The following ANK2 variants were observed in gnomAD, a reference collection of about 807,000 sequenced individuals.
ANK2 encodes the protein ankyrin 2.
ANK2 carries 83 observed loss-of-function variants against 360.5 expected under a neutral mutation model. The ratio of observed to expected loss-of-function variants is 0.23; its 90% CI spans 0.19 to 0.28. The LOEUF (loss-of-function observed/expected upper bound fraction) is 0.28, where lower values mean the gene tolerates loss of function less well. Among genes scored for constraint, ANK2 ranks in the 10% least tolerant of loss-of-function variants. The pLI is 1.00. For synonymous variants in ANK2, 1,740 were observed against 1,759.5 expected (o/e 0.99, Z 0.28); for missense variants, 4,201 against 4,795.7 (o/e 0.88, Z 3.66).
the ANK2 span, among the ~76,000 whole-genome samples, chr4:112,705,852 G>A: frequency 6.6e-6 from 1 of 152,082 alleles, no homozygotes; most frequent in African/African-American, 2.4e-5. Flanking sequence ...CGCGGCGCTG[G>A]GAAGGGGCAG....
At chr4:113,323,491 C>T (rs1364268030) in intron 26 of ANK2, among the ~76,000 whole-genome samples, 3 of 152,112 alleles carry the variant, frequency 2.0e-5, no homozygotes, top group African/African-American at 7.2e-5. Flanking sequence ...CTTGGACACT[C>T]AGACTTTGTT....
intron 14 of ANK2, among the ~76,000 whole-genome samples, chr4:113,270,155 T>A (rs1451838413): frequency 2.6e-5 from 4 of 152,212 alleles, no homozygotes; most frequent in Non-Finnish European, 5.9e-5. Flanking sequence ...TTACTGGAAA[T>A]TGTGTTGATG....
At chr4:113,092,844 T>A (rs1317785382) in intron 1 of ANK2, among the ~76,000 whole-genome samples, 1 of 152,202 alleles carries the variant, frequency 6.6e-6, no homozygotes, top group Non-Finnish European at 1.5e-5. Context: ...CTATATAATC[T>A]TATTGATTAC....
intron 45 of ANK2, among the ~76,000 whole-genome samples, chr4:113,375,744 A>T (rs1255692038): frequency 6.6e-6 from 1 of 152,026 alleles, no homozygotes; most frequent in Non-Finnish European, 1.5e-5. Flanking sequence ...AAAGAAAAAA[A>T]AGAAAAAGAA....
chr4:112,890,484 C>T (rs779648615), intron 1 of ANK2, among the ~76,000 whole-genome samples: 2 of 150,556 alleles, frequency 1.3e-5, no homozygotes, highest in African/African-American at 2.4e-5. Flanking sequence ...ATTTGTTTTC[C>T]TACATAATTC....
intron 2 of ANK2, among the ~76,000 whole-genome samples, chr4:112,910,183 G>A (rs2086630994): frequency 1.3e-5 from 2 of 152,094 alleles, no homozygotes; most frequent in African/African-American, 4.8e-5. Flanking sequence ...CTGAAAATAC[G>A]GATCTCACAG....
At chr4:112,851,830 G>A (rs2065070866) in intron 1 of ANK2, among the ~76,000 whole-genome samples, 1 of 152,086 alleles carries the variant, frequency 6.6e-6, no homozygotes, top group African/African-American at 2.4e-5. Flanking sequence ...CACCGTGTTG[G>A]TTAGGGTGAT....
intron 3 of ANK2, among the ~76,000 whole-genome samples, chr4:113,198,763 A>G (rs1172667542): frequency 1.3e-5 from 2 of 152,186 alleles, no homozygotes; most frequent in Non-Finnish European, 2.9e-5. Context: ...TGATTCATTG[A>G]AAATACAGTC....
the ANK2 span, among the ~76,000 whole-genome samples, chr4:112,730,252 C>CAAAAAAAA: frequency 5.3e-4 from 27 of 50,882 alleles, no homozygotes; most frequent in East Asian, 9.0e-4. Context: ...GACTCTGTCT[C>CAAAAAAAA]AAAAAAAAAA....
At chr4:113,371,078 T>A (rs1304882043) in intron 43 of ANK2, among the ~76,000 whole-genome samples, 1 of 152,162 alleles carries the variant, frequency 6.6e-6, no homozygotes, top group Non-Finnish European at 1.5e-5. Context: ...TATTTCAAAG[T>A]GTTTTTAGAG....
At chr4:112,814,241 A>G (rs1281532928), upstream of ANK2, among the ~76,000 whole-genome samples, 1 of 152,194 alleles carries the variant, frequency 6.6e-6, no homozygotes, top group Non-Finnish European at 1.5e-5. Context: ...TTCCTGAGGA[A>G]ATAAATGAAT....
At chr4:112,966,187 C>T (rs944342070) in intron 2 of ANK2, among the ~76,000 whole-genome samples, 2 of 151,564 alleles carry the variant, frequency 1.3e-5, no homozygotes, top group Non-Finnish European at 2.9e-5. Context: ...TCTTTGTGAA[C>T]ATTTATACTA....
intron 26 of ANK2, among the ~76,000 whole-genome samples, chr4:113,324,794 T>C (rs972536241): frequency 6.6e-6 from 1 of 152,208 alleles, no homozygotes; most frequent in Non-Finnish European, 1.5e-5. Context: ...TGAAGCACTC[T>C]GATGATTTTT....
At chr4:112,780,711 G>A in the ANK2 span, among the ~76,000 whole-genome samples, 6 of 152,070 alleles carry the variant, frequency 3.9e-5, no homozygotes, top group Non-Finnish European at 2.9e-5. Flanking sequence ...CGGAAGGGGA[G>A]AGAGAGCAAG....
At chr4:113,064,467 C>T (rs1392701553) in intron 1 of ANK2, among the ~76,000 whole-genome samples, 2 of 152,160 alleles carry the variant, frequency 1.3e-5, no homozygotes, top group African/African-American at 4.8e-5. Context: ...AGGAGGGGCT[C>T]TGCATTCCAC....
intron 2 of ANK2, among the ~76,000 whole-genome samples, chr4:113,021,504 TTA>T (rs2058060190): frequency 8.7e-6 from 1 of 114,680 alleles, no homozygotes; most frequent in South Asian, 2.7e-4. Flanking sequence ...TATGTATATA[TTA>T]TGTGTATATA....
At chr4:112,728,292 CAAAAAAAAAAAAAAAA>C in the ANK2 span, among the ~76,000 whole-genome samples, 2 of 40,124 alleles carry the variant, frequency 5.0e-5, no homozygotes, top group South Asian at 1.6e-3. Context: ...GACTCTGTCT[CAAAAAAAAAAAAAAAA>C]AAAAAAAAAA....
chr4:113,104,757 CAT>C (rs2093409075), intron 1 of ANK2, among the ~76,000 whole-genome samples: 1 of 151,768 alleles, frequency 6.6e-6, no homozygotes, highest in African/African-American at 2.4e-5. Flanking sequence ...ACAACAAAAA[CAT>C]GTATAACTGG....
chr4:113,078,226 T>A (rs890693148), intron 1 of ANK2, among the ~76,000 whole-genome samples: 1 of 152,350 alleles, frequency 6.6e-6, no homozygotes, highest in African/African-American at 2.4e-5. Flanking sequence ...TATGCTACTT[T>A]GTAATGTGAT....
Sources: gnomAD v4.1 joint callset for allele counts (sites outside exome capture counted in the v4.1 genomes callset) on GRCh38, gnomAD v4.1.1 for gene constraint, MANE v1.5 for transcripts, NCBI Gene and HGNC (gene_info 2026-07-23, HGNC 2026-07-21) for gene names.